The following COX7B2 variants were observed in gnomAD, a reference collection of about 807,000 sequenced individuals.
COX7B2 encodes the protein cytochrome c oxidase subunit 7B2.
For missense variants in COX7B2, 109 were observed against 95.9 expected (o/e 1.14, Z -0.57); for synonymous variants, 37 against 32.1 (o/e 1.15, Z -0.51).
At chr4:46,885,507 A>G (rs1283941181) in intron 1 of COX7B2, among the ~76,000 whole-genome samples, 1 of 152,152 alleles carries the variant, frequency 6.6e-6, no homozygotes, top group Non-Finnish European at 1.5e-5. Context: ...GATTTTGTTT[A>G]TGAAATGAAT....
At chr4:46,825,882 G>A (rs62305185) in intron 2 of COX7B2, among the ~76,000 whole-genome samples, 1 of 152,140 alleles carries the variant, frequency 6.6e-6, no homozygotes, top group African/African-American at 2.4e-5. Context: ...ACCAACACAA[G>A]ATAGATTAAA....
At chr4:46,836,668 T>C (rs1160962021) in intron 2 of COX7B2, among the ~76,000 whole-genome samples, 2 of 152,086 alleles carry the variant, frequency 1.3e-5, no homozygotes, top group African/African-American at 4.8e-5. Context: ...ACCAGTAATA[T>C]AGTTATTTGG....
intron 2 of COX7B2, among the ~76,000 whole-genome samples, chr4:46,837,199 AT>A (rs1715571892): frequency 1.3e-5 from 2 of 151,954 alleles, no homozygotes; most frequent in African/African-American, 4.8e-5. Context: ...TGCTTTAAAA[AT>A]CACAAAAGGT....
intron 1 of COX7B2, among the ~76,000 whole-genome samples, chr4:46,901,243 T>A (rs927128743): frequency 6.6e-6 from 1 of 152,224 alleles, no homozygotes; most frequent in African/African-American, 2.4e-5. Context: ...AAACATGGAC[T>A]GCTACTAGAG....
intron 2 of COX7B2, among the ~76,000 whole-genome samples, chr4:46,765,188 G>A (rs1716452075): frequency 6.6e-6 from 1 of 152,108 alleles, no homozygotes; most frequent in Non-Finnish European, 1.5e-5. Context: ...AGAAATTCAA[G>A]TGAGATATCA....
chr4:46,735,255 A>G lies in COX7B2; in HGVS notation c.-49-14T>C. The G allele has an allele frequency of 1.9e-6, 3 of 1,572,632 alleles. No homozygotes were observed. In the Admixed American group the frequency reaches 5.4e-5, roughly 28 times the overall value. On this transcript the variant is annotated splice_polypyrimidine_tract_variant and intron_variant, in intron 2 of 2. Transcript: ENST00000355591. ...GTTGCAAAGAGGCTGGAAAGAGAGA[A>G]AAGATATGCATTGATGTCCAATCTT...
chr4:46,771,065 T>A (rs1476404976), intron 2 of COX7B2, among the ~76,000 whole-genome samples: 1 of 152,110 alleles, frequency 6.6e-6, no homozygotes, highest in Non-Finnish European at 1.5e-5. Context: ...AAACCATACA[T>A]GATAAGGTGC....
intron 2 of COX7B2, among the ~76,000 whole-genome samples, chr4:46,833,225 C>G (rs2109734128): frequency 6.6e-6 from 1 of 152,236 alleles, no homozygotes; most frequent in Middle Eastern, 3.4e-3. Context: ...AACCTCTTTT[C>G]ATTATAAATT....
intron 2 of COX7B2, among the ~76,000 whole-genome samples, chr4:46,801,001 C>T (rs1718626871): frequency 6.6e-6 from 1 of 152,006 alleles, no homozygotes; most frequent in African/African-American, 2.4e-5. Context: ...AAATTCTCAA[C>T]TAATCATCAA....
Position 46,834,197 on chromosome 4 carries a change from A to G in COX7B2, c.-50+10763T>C, listed in dbSNP as rs373893509. Among the ~76,000 whole-genome samples the G allele has an allele frequency of 1.4e-4, 21 of 152,260 alleles. No individual in the cohort carries two copies. The East Asian group carries it at 3.9e-3, about 28-fold the overall frequency. ...CAATTATTTTTAAGTCAAACTATAA[A>G]TATAGTATGATCCCAATTTTAAAAT... On this transcript the variant is annotated intron_variant, in intron 2 of 2. Transcript: ENST00000355591.
intron 2 of COX7B2, among the ~76,000 whole-genome samples, chr4:46,739,193 C>A (rs904209510): frequency 1.5e-4 from 23 of 152,018 alleles, no homozygotes; most frequent in African/African-American, 5.3e-4. Flanking sequence ...GACTGTTTAA[C>A]CTTGTTTTAC....
chr4:46,824,951 A>T (rs1295824675), intron 2 of COX7B2, among the ~76,000 whole-genome samples: 1 of 152,136 alleles, frequency 6.6e-6, no homozygotes, highest in Non-Finnish European at 1.5e-5. Flanking sequence ...CGCTGGAAGC[A>T]TTCCCCTTGA....
rs375432435 is a variant in COX7B2 at position 46,903,052 on chromosome 4, T to C, written c.-105+6108A>G. ...AACTTAAGAAATTCCAAGAATATAA[T>C]TCTAACATTATAGAGATAGGCCAAA... On this transcript the variant is annotated intron_variant, in intron 1 of 2. Coordinates refer to ENST00000355591, the MANE Select transcript of COX7B2 (RefSeq NM_130902.3). 1.5e-4 allele frequency among the ~76,000 whole-genome samples: 23 copies of C among 152,272 alleles called. 1 individual carries two copies. The South Asian group carries it at 4.8e-3, about 32-fold the overall frequency.
chr4:46,802,792 T>C (rs1718727514), intron 2 of COX7B2, among the ~76,000 whole-genome samples: 1 of 152,172 alleles, frequency 6.6e-6, no homozygotes. Context: ...ATGTGGAACT[T>C]GCTTAAATTA....
chr4:46,808,703 A>G (rs1001844454), intron 2 of COX7B2, among the ~76,000 whole-genome samples: 1 of 151,802 alleles, frequency 6.6e-6, no homozygotes, highest in African/African-American at 2.4e-5. Flanking sequence ...ATGTTGAGGA[A>G]CTTTCTTTCT....
chr4:46,802,693 G>A (rs1252160505), intron 2 of COX7B2, among the ~76,000 whole-genome samples: 1 of 152,136 alleles, frequency 6.6e-6, no homozygotes, highest in African/African-American at 2.4e-5. Context: ...AACTACAGCT[G>A]AGGCTTTAAA....
intron 2 of COX7B2, among the ~76,000 whole-genome samples, chr4:46,748,392 TA>T (rs1715150745): frequency 6.6e-6 from 1 of 152,186 alleles, no homozygotes; most frequent in South Asian, 2.1e-4. Context: ...TACTTTAGGC[TA>T]AAACAGCAAT....
chr4:46,774,225 C>A (rs1310061893), intron 2 of COX7B2, among the ~76,000 whole-genome samples: 2 of 152,040 alleles, frequency 1.3e-5, no homozygotes, highest in Admixed American at 6.6e-5. Flanking sequence ...AACAAACAAA[C>A]AAAAAACTAA....
At chr4:46,883,232 A>G (rs1718861560) in intron 1 of COX7B2, among the ~76,000 whole-genome samples, 2 of 152,232 alleles carry the variant, frequency 1.3e-5, no homozygotes, top group Non-Finnish European at 2.9e-5. Context: ...GAAGGACATT[A>G]TCATTTGCTT....
Sources: gnomAD v4.1 joint callset for allele counts (sites outside exome capture counted in the v4.1 genomes callset) on GRCh38, gnomAD v4.1.1 for gene constraint, MANE v1.5 for transcripts, NCBI Gene and HGNC (gene_info 2026-07-23, HGNC 2026-07-21) for gene names.